ZFC3H1: variants seen among roughly 807,000 people sequenced by gnomAD.
ZFC3H1 encodes the protein zinc finger C3H1-type containing, also known as zinc finger C3H1 domain-containing protein.
Under a neutral mutation model 243.7 loss-of-function variants are expected in ZFC3H1, and 71 were observed. That is an observed-to-expected ratio of 0.29 (90% confidence interval 0.24 to 0.36). The LOEUF is 0.36. ZFC3H1 is among the 10% of genes least tolerant of loss of function. The probability of loss-of-function intolerance (pLI) is 1.00; values close to 1 mark genes in which losing one functional copy is unlikely to be tolerated. For missense variants in ZFC3H1, 1,966 were observed against 2,317.1 expected (o/e 0.85, Z 3.11); for synonymous variants, 838 against 813.0 (o/e 1.03, Z -0.52).
rs149614499 is a variant in ZFC3H1, at chr12:71,646,265, T to G, written c.1081-1190A>C. Among the ~76,000 whole-genome samples the G allele has an allele frequency of 3.9e-3, 598 of 152,324 alleles. 2 individuals carry two copies. The highest frequency in any genetic ancestry group is 0.014 in the African/African-American group (565 of 41,572). On this transcript the variant is annotated intron_variant, in intron 3 of 34. Coordinates refer to ENST00000378743, the MANE Select transcript of ZFC3H1 (RefSeq NM_144982.5). ...TACATGTAAGCAATAATTTTAAAATTATTATGGTTCTTTTTTAAATTCTAC... is the reference window on the plus strand; with the variant it reads ...TACATGTAAGCAATAATTTTAAAATGATTATGGTTCTTTTTTAAATTCTAC...
chr12:71,632,554 G>A lies in ZFC3H1; in HGVS notation c.2818-40C>T, dbSNP rs758864881. On this transcript the variant is annotated intron_variant, in intron 14 of 34. Coordinates refer to ENST00000378743, the MANE Select transcript of ZFC3H1 (RefSeq NM_144982.5). ...TGATACACGTATTTTACATCACTGT[G>A]ATTTTATAAACAATTTTTGGTAAGA... 10 of 1,510,808 alleles carry A rather than the reference G, an allele frequency of 6.6e-6. No individual in the cohort carries two copies. The South Asian group carries it at 1.1e-4, about 16-fold the overall frequency. The allele number at this position is 1,510,808 out of a possible 1,614,324, so 93.6% of individuals were successfully genotyped here. A position where few individuals can be genotyped will look rare whatever the true frequency, so the allele number is the denominator to read the frequency against.
rs1445175780 is a variant in ZFC3H1, at chr12:71,623,440, T to C, written c.4664A>G (p.Asn1555Ser). 6.2e-7 allele frequency: 1 copy of C among 1,613,656 alleles called. No individual in the cohort carries two copies. Among genetic ancestry groups the C allele is most frequent in the East Asian group, 2.2e-5 (1 of 44,802 alleles). ...CCATGGCATTACAAATGATTCAGTGTTAACAATTCTTGAAGGATTATCATT... is the reference window on the plus strand; with the variant it reads ...CCATGGCATTACAAATGATTCAGTGCTAACAATTCTTGAAGGATTATCATT... The part of the protein sequence containing the change: ...PSNDNPSRIV[N>S]TESFVMPWQA... The change falls in exon 24 of 35, where the codon AAC (asparagine) becomes AGC (serine). Residue 1555 changes from asparagine (N) to serine (S), a missense_variant. Transcript: ENST00000378743.
chr12:71,627,682 G>A, intron 21 of ZFC3H1, 69 bp downstream of exon 21: 2 of 1,457,842 alleles, frequency 1.4e-6, no homozygotes, highest in South Asian at 1.3e-5. Flanking sequence ...GATTACCATA[G>A]GTAAAAAAAC....
chr12:71,619,142 T>C (rs1879963628), intron 27 of ZFC3H1, among the ~76,000 whole-genome samples, 173 bp downstream of exon 27: 1 of 152,224 alleles, frequency 6.6e-6, no homozygotes, highest in Admixed American at 6.5e-5. Context: ...GAATTTTCCA[T>C]CTTGCCTCCA....
chr12:71,654,785 T>C (rs1299184671), intron 2 of ZFC3H1, among the ~76,000 whole-genome samples: 3 of 152,166 alleles, frequency 2.0e-5, no homozygotes, highest in East Asian at 3.8e-4. Context: ...TCATACTGAA[T>C]TATAAATTAA....
At chr12:71,624,026 A>C in intron 23 of ZFC3H1, 78 bp downstream of exon 23, 1 of 1,378,196 alleles carries the variant, frequency 7.3e-7, no homozygotes, top group Non-Finnish European at 9.8e-7. Context: ...TCAACCATTA[A>C]ATAATGCTAT....
In ZFC3H1 at chr12:71,663,539, A is replaced by G; in HGVS notation, c.72T>C (p.Asp24=). The G allele has an allele frequency of 1.9e-6, 3 of 1,613,504 alleles. No homozygotes were observed. The highest frequency in any genetic ancestry group is 2.5e-6 in the Non-Finnish European group (3 of 1,180,020). The change falls in exon 1 of 35, where the codon GAT becomes GAC. Residue 24 remains aspartate, a synonymous_variant. Coordinates refer to ENST00000378743, the MANE Select transcript of ZFC3H1 (RefSeq NM_144982.5). The part of the protein sequence containing the change: ...LSPKEEGELE[D]GEISDDDNNS... ...TATTATCGTCGTCACTGATTTCCCC[A>G]TCTTCAAGCTCCCCTTCTTCCTTCG...
intron 8 of ZFC3H1, 32 bp downstream of exon 8, chr12:71,636,818 G>A (rs765689066): frequency 2.5e-6 from 4 of 1,607,514 alleles, no homozygotes; most frequent in South Asian, 1.1e-5. Context: ...AAGCTCAAGA[G>A]CACCACCTAG....
Position 71,614,538 on chromosome 12 carries a change from AT to A in ZFC3H1, c.5522del (p.Asn1841IlefsTer8). 1 of 1,581,140 alleles carries A rather than the reference AT, an allele frequency of 6.3e-7. No homozygotes were observed. The highest frequency in any genetic ancestry group is 8.6e-7 in the Non-Finnish European group (1 of 1,169,070). ...ADYWSNYEFH[N>X]RVIFFYLSCV... is the part of the protein sequence containing the mutation. Reference sequence around the variant, plus strand: ...GAAAAAAGTTTTGAGTTCTTACCCTATTATGAAATTCATAGTTGGACCAGTA... The same window carrying A: ...GAAAAAAGTTTTGAGTTCTTACCCTATATGAAATTCATAGTTGGACCAGTA... On this transcript the variant is annotated frameshift_variant, in exon 30 of 35. Transcript: ENST00000378743. LOFTEE classifies it high-confidence loss of function.
At position 71,663,790 on chromosome 12, in the gene ZFC3H1, A is replaced by G; in HGVS notation, c.-180T>C. ...CAGCACCCCAGCTCTCTCTCGCCGGACCGTCGCAACCCAGTTCCCTTTCCT... is the reference window on the plus strand; with the variant it reads ...CAGCACCCCAGCTCTCTCTCGCCGGGCCGTCGCAACCCAGTTCCCTTTCCT... On this transcript the variant is annotated 5_prime_UTR_variant, in exon 1 of 35. Coordinates refer to ENST00000378743, the MANE Select transcript of ZFC3H1 (RefSeq NM_144982.5). 1 of 676,032 alleles carries G rather than the reference A, an allele frequency of 1.5e-6. No homozygotes were observed. Among genetic ancestry groups the G allele is most frequent in the South Asian group, 1.9e-5 (1 of 52,054 alleles). 41.9% of individuals were successfully genotyped at this position (676,032 alleles called of 1,614,324 possible). A position where few individuals can be genotyped will look rare whatever the true frequency, so the allele number is the denominator to read the frequency against.
rs746506542 is a variant in ZFC3H1, at chr12:71,663,315, C to A, written c.296G>T (p.Arg99Met). ...TTTGGGTCGGTAGCTGCTGGGTCCC[C>A]TGAGGTGGCCCCGCTCAGACGCGTG... ...SRHASERGHL[R>M]GPSSYRPKEP... The change falls in exon 1 of 35, where the codon AGG becomes ATG. Residue 99 changes from arginine to methionine, a missense_variant. Arg to Met is a moderately conservative substitution (Grantham distance 91, BLOSUM62 -1). Around this residue, in one of 4 missense-constraint regions of ZFC3H1, gnomAD observed 484 missense variants for 449.7 expected, o/e 1.08. Coordinates refer to ENST00000378743, the MANE Select transcript of ZFC3H1 (RefSeq NM_144982.5). 61 of 1,613,242 alleles carry A rather than the reference C, an allele frequency of 3.8e-5. No individual in the cohort carries two copies. The highest frequency in any genetic ancestry group is 4.8e-5 in the Non-Finnish European group (57 of 1,180,044).
intron 22 of ZFC3H1, among the ~76,000 whole-genome samples, chr12:71,624,498 A>G (rs193029534): frequency 1.3e-5 from 2 of 152,356 alleles, no homozygotes; most frequent in East Asian, 3.9e-4. Context: ...AATCAGATGA[A>G]AACTAAAACA....
At chr12:71,646,682 G>A (rs1448738979) in intron 3 of ZFC3H1, among the ~76,000 whole-genome samples, 3 of 152,120 alleles carry the variant, frequency 2.0e-5, no homozygotes, top group Non-Finnish European at 4.4e-5. Context: ...AAACTCCTGA[G>A]CTAAAGTGAT....
At position 71,630,692 on chromosome 12, in the gene ZFC3H1, C is replaced by T. The variant is rs762604202; in HGVS notation, c.3632G>A (p.Arg1211Gln). The T allele has an allele frequency of 3.1e-6, 5 of 1,613,374 alleles. No individual in the cohort carries two copies. Among genetic ancestry groups the T allele is most frequent in the East Asian group, 2.2e-5 (1 of 44,778 alleles). ...CAGAATGTCCTGGAATAACTGTTTT[C>T]GGCTAAGTGTATAGTCTTGTATATG... is the stretch of plus-strand genomic sequence containing the variant. ...WQHIQDYTLSRKQLFQDILSY... is the reference protein window; with the variant it reads ...WQHIQDYTLSQKQLFQDILSY... Residue 1211 changes from arginine (R) to glutamine (Q), a missense_variant, in exon 18 of 35, where the codon CGA (arginine) becomes CAA (glutamine). Transcript: ENST00000378743.
intron 9 of ZFC3H1, 57 bp from the exon 10 acceptor site, chr12:71,635,637 T>C (rs1565816550): frequency 6.8e-7 from 1 of 1,462,260 alleles, no homozygotes; most frequent in East Asian, 2.6e-5. Flanking sequence ...TTTAACCTTG[T>C]TCAATTTCAA....
chr12:71,647,984 A>G (rs1207774684), intron 2 of ZFC3H1, among the ~76,000 whole-genome samples, 171 bp from the exon 3 acceptor site: 1 of 152,226 alleles, frequency 6.6e-6, no homozygotes, highest in African/African-American at 2.4e-5. Flanking sequence ...AAATCTGAAC[A>G]AACTCTTATC....
At chr12:71,631,237 C>G (rs1030178660) in intron 16 of ZFC3H1, among the ~76,000 whole-genome samples, 1 of 151,940 alleles carries the variant, frequency 6.6e-6, no homozygotes, top group African/African-American at 2.4e-5. Context: ...CTATATAATA[C>G]CGGTATTTCT....
chr12:71,636,830 G>A lies in ZFC3H1; in HGVS notation c.1935+20C>T, dbSNP rs751706629. The A allele has an allele frequency of 3.7e-6, 6 of 1,611,448 alleles. No homozygotes were observed. Among genetic ancestry groups the A allele is most frequent in the Non-Finnish European group, 5.1e-6 (6 of 1,177,994 alleles). On this transcript the variant is annotated intron_variant, in intron 8 of 34. Transcript: ENST00000378743. ...GCTAAGCTCAAGAGCACCACCTAGA[G>A]GTTTAGGTACCTAAATTACCTCTGG... is the stretch of plus-strand genomic sequence containing the variant.
rs138000934 is a variant in ZFC3H1, at chr12:71,659,578, TA to T, written c.599-2278del. On this transcript the variant is annotated intron_variant, in intron 1 of 34. Coordinates refer to ENST00000378743, the MANE Select transcript of ZFC3H1 (RefSeq NM_144982.5). ...AGCCATTTAAAGGCACAACTGCAATTAAAAAAAAAAGAAAAGAAAGGGAAAT... is the reference window on the plus strand; with the variant it reads ...AGCCATTTAAAGGCACAACTGCAATTAAAAAAAAAGAAAAGAAAGGGAAAT... Among the ~76,000 whole-genome samples, 1,411 of 145,738 alleles carry T rather than the reference TA, an allele frequency of 9.7e-3. 8 individuals are homozygous for T. The highest frequency in any genetic ancestry group is 0.028 in the Middle Eastern group (8 of 286).
Sources: gnomAD v4.1 joint callset for allele counts (sites outside exome capture counted in the v4.1 genomes callset) on GRCh38, gnomAD v4.1.1 for gene constraint, gnomAD v4.1.1 regional missense constraint, MANE v1.5 for transcripts, NCBI Gene and HGNC (gene_info 2026-07-23, HGNC 2026-07-21) for gene names.